Variants in UGT1A8 observed in about 807,000 individuals in gnomAD.
UGT1A8 encodes UDP-glucuronosyltransferase 1A8.
A neutral mutation model predicts 45.3 loss-of-function variants in UGT1A8; 39 were observed. The observed-to-expected ratio is 0.86, with a 90% CI of 0.67 to 1.12. The LOEUF (loss-of-function observed/expected upper bound fraction) is 1.12. Ranked by LOEUF, UGT1A8 falls within the 50% of genes most tolerant of loss-of-function variation. The probability of loss-of-function intolerance (pLI) is 0.00; values close to 1 mark genes in which losing one functional copy is unlikely to be tolerated. For synonymous variants in UGT1A8, 275 were observed against 249.2 expected (o/e 1.10, Z -0.97); for missense variants, 719 against 664.9 (o/e 1.08, Z -0.90).
intron 1 of UGT1A8, chr2:233,747,953 T>A (rs1693820704): frequency 6.2e-7 from 1 of 1,613,400 alleles, no homozygotes; most frequent in Admixed American, 1.7e-5. Flanking sequence ...CAGTGGTGGA[T>A]CTTCTCAGCC....
At chr2:233,751,766 T>C (rs1221820452) in intron 1 of UGT1A8, among the ~76,000 whole-genome samples, 2 of 152,224 alleles carry the variant, frequency 1.3e-5, no homozygotes, top group Non-Finnish European at 2.9e-5. Context: ...ATGTGAGACA[T>C]GACTTTGCTT....
At chr2:233,737,335 G>C (rs558771820) in intron 1 of UGT1A8, among the ~76,000 whole-genome samples, 1 of 152,354 alleles carries the variant, frequency 6.6e-6, no homozygotes, top group African/African-American at 2.4e-5. Context: ...CAGTGAGCAA[G>C]GCTCCGTGGG....
intron 1 of UGT1A8, among the ~76,000 whole-genome samples, chr2:233,641,028 T>A (rs1281056748): frequency 6.6e-6 from 1 of 152,150 alleles, no homozygotes; most frequent in African/African-American, 2.4e-5. Context: ...GACCCTCAGC[T>A]GATAGAAAAA....
At chr2:233,672,789 G>A (rs2074242199) in intron 1 of UGT1A8, 2 of 1,612,514 alleles carry the variant, frequency 1.2e-6, no homozygotes, top group Non-Finnish European at 1.7e-6. Context: ...CGTTGCCTAT[G>A]GTAAGTTATC....
chr2:233,738,035 A>T (rs1181803416), intron 1 of UGT1A8, among the ~76,000 whole-genome samples: 1 of 151,816 alleles, frequency 6.6e-6, no homozygotes, highest in African/African-American at 2.4e-5. Flanking sequence ...CATAATCCCC[A>T]CGTGTTGAGG....
In UGT1A8 at chr2:233,769,469, G is replaced by A. The variant is rs1360382156; in HGVS notation, c.1295+1030G>A. 6.2e-7 allele frequency: 1 copy of A among 1,610,132 alleles called. No homozygotes were observed. Among genetic ancestry groups the A allele is most frequent in the Non-Finnish European group, 8.5e-7 (1 of 1,177,710 alleles). On this transcript the variant is annotated intron_variant, in intron 4 of 4. Coordinates refer to ENST00000373450, the MANE Select transcript of UGT1A8 (RefSeq NM_019076.5). The surrounding 1 kb of genome is among the most constrained non-coding windows in gnomAD (Gnocchi z 4.4). Reference sequence around the variant, plus strand: ...CACACGTGTGCATTCATATGCGTGTGTGTGTGTGTGCGTGTGTTTATGAGA... The same window carrying A: ...CACACGTGTGCATTCATATGCGTGTATGTGTGTGTGCGTGTGTTTATGAGA...
chr2:233,746,804 G>A (rs960699713), intron 1 of UGT1A8, among the ~76,000 whole-genome samples: 7 of 151,820 alleles, frequency 4.6e-5, no homozygotes, highest in African/African-American at 1.7e-4. Flanking sequence ...GAGCGTGAAT[G>A]TGGATTGCCT....
chr2:233,672,633 A>G, intron 1 of UGT1A8: 3 of 1,613,882 alleles, frequency 1.9e-6, no homozygotes, highest in Non-Finnish European at 2.5e-6. Flanking sequence ...TAGCCTCTGA[A>G]ATTCTCCAAA....
At chr2:233,717,752 T>C (rs1429389060) in intron 1 of UGT1A8, 2 of 456,612 alleles carry the variant, frequency 4.4e-6, no homozygotes, top group South Asian at 3.1e-5. Flanking sequence ...GGTCTCCCCC[T>C]AGAAAGGCAC....
At chr2:233,709,589 A>G (rs2076083811) in intron 1 of UGT1A8, among the ~76,000 whole-genome samples, 1 of 152,200 alleles carries the variant, frequency 6.6e-6, no homozygotes, top group Non-Finnish European at 1.5e-5. Flanking sequence ...ATATACCAGG[A>G]TGTGAAAGAA....
intron 1 of UGT1A8, among the ~76,000 whole-genome samples, chr2:233,625,890 T>A (rs942905460): frequency 6.6e-6 from 1 of 151,946 alleles, no homozygotes; most frequent in Non-Finnish European, 1.5e-5. Flanking sequence ...CATCACACAA[T>A]ATACTCAGGT....
At chr2:233,709,130 G>C (rs569076662) in intron 1 of UGT1A8, among the ~76,000 whole-genome samples, 1 of 152,068 alleles carries the variant, frequency 6.6e-6, no homozygotes, top group African/African-American at 2.4e-5. Flanking sequence ...TGGTGGCCAA[G>C]GGGATGAGAC....
rs569725769 is a variant in UGT1A8, at chr2:233,617,656, T to C, written c.-52T>C. 6.4e-7 allele frequency: 1 copy of C among 1,568,810 alleles called. No individual in the cohort carries two copies. The highest frequency in any genetic ancestry group is 1.4e-5 in the African/African-American group (1 of 73,928). On this transcript the variant is annotated 5_prime_UTR_variant, in exon 1 of 5. Transcript: ENST00000373450. Reference sequence around the variant, plus strand: ...TTGTGCCTGTAGTTCTTCCGCCTACTGTATCATAGCAGCTTAGAATCCCAG... The same window carrying C: ...TTGTGCCTGTAGTTCTTCCGCCTACCGTATCATAGCAGCTTAGAATCCCAG...
intron 1 of UGT1A8, among the ~76,000 whole-genome samples, chr2:233,727,711 C>T (rs1575572304): frequency 1.3e-5 from 2 of 152,204 alleles, no homozygotes; most frequent in East Asian, 3.8e-4. Context: ...TTCCCAAAGC[C>T]CTTGCAGACC....
chr2:233,756,958 C>A (rs1696367405), intron 1 of UGT1A8, among the ~76,000 whole-genome samples: 1 of 151,964 alleles, frequency 6.6e-6, no homozygotes, highest in Non-Finnish European at 1.5e-5. Context: ...GGACTTGGCA[C>A]TTGGTAAGCA....
chr2:233,718,896 G>T (rs763201473), intron 1 of UGT1A8: 1 of 1,614,046 alleles, frequency 6.2e-7, no homozygotes, highest in Non-Finnish European at 8.5e-7. Context: ...CCAGCCCTGG[G>T]CTGAGAGTGG....
chr2:233,694,905 A>G (rs749639379), intron 1 of UGT1A8, among the ~76,000 whole-genome samples: 11 of 152,192 alleles, frequency 7.2e-5, no homozygotes, highest in Non-Finnish European at 1.3e-4. Context: ...ATTTTGATAC[A>G]CGTATACAAT....
At chr2:233,655,052 G>T (rs1285016122) in intron 1 of UGT1A8, among the ~76,000 whole-genome samples, 4 of 151,952 alleles carry the variant, frequency 2.6e-5, no homozygotes, top group Admixed American at 2.6e-4. Flanking sequence ...TCATACCACT[G>T]CACTCCAGCC....
intron 1 of UGT1A8, among the ~76,000 whole-genome samples, chr2:233,709,199 A>G (rs1321216422): frequency 1.3e-5 from 2 of 152,130 alleles, no homozygotes; most frequent in Non-Finnish European, 2.9e-5. Context: ...GTGGATCCTC[A>G]CCAGAAGTAC....
Sources: allele counts gnomAD v4.1 joint callset (sites outside exome capture counted in the v4.1 genomes callset), GRCh38; gene constraint gnomAD v4.1.1; non-coding constraint Gnocchi (gnomAD v3.1); transcripts MANE v1.5; gene names NCBI Gene and HGNC (gene_info 2026-07-23, HGNC 2026-07-21).